The following BLVRA variants were observed in gnomAD, a reference collection of about 807,000 sequenced individuals.
The protein encoded by BLVRA is biliverdin reductase A.
BLVRA carries 22 observed loss-of-function variants against 32.8 expected under a neutral mutation model. That is an observed-to-expected ratio of 0.67 (90% CI 0.48 to 0.96). The LOEUF (loss-of-function observed/expected upper bound fraction) is 0.96, where lower values mean the gene tolerates loss of function less well. BLVRA is among the 40% of genes least tolerant of loss of function. BLVRA has a pLI of 0.00. For synonymous variants in BLVRA, 119 were observed against 141.3 expected (o/e 0.84, Z 1.12); for missense variants, 323 against 358.1 (o/e 0.90, Z 0.79).
chr7:43,785,203 A>G (rs1364640888), intron 2 of BLVRA, among the ~76,000 whole-genome samples: 10 of 152,070 alleles, frequency 6.6e-5, no homozygotes, highest in Admixed American at 5.9e-4. Context: ...TAACCTAATA[A>G]GGGGATTGCT....
chr7:43,759,019 T>C (rs1339763908), intron 1 of BLVRA, among the ~76,000 whole-genome samples: 1 of 152,242 alleles, frequency 6.6e-6, no homozygotes, highest in African/African-American at 2.4e-5. Context: ...CGGTTAAGAC[T>C]GCCCGTAGTT....
chr7:43,790,496 G>A (rs908640407), intron 3 of BLVRA, among the ~76,000 whole-genome samples: 1 of 151,756 alleles, frequency 6.6e-6, no homozygotes, highest in Admixed American at 6.6e-5. Context: ...CATACTACTG[G>A]GCTTCGTTAG....
At chr7:43,793,188 G>A (rs967578634) in intron 5 of BLVRA, among the ~76,000 whole-genome samples, 2 of 152,118 alleles carry the variant, frequency 1.3e-5, no homozygotes, top group Non-Finnish European at 2.9e-5. Flanking sequence ...TGCATAGTTT[G>A]TAGTTTTTGT....
chr7:43,785,670 C>G (rs2095776580), intron 2 of BLVRA, among the ~76,000 whole-genome samples: 2 of 152,206 alleles, frequency 1.3e-5, no homozygotes, highest in Admixed American at 1.3e-4. Flanking sequence ...CTGACAGAGG[C>G]TGAGATCCTT....
chr7:43,786,567 T>C (rs374803271), intron 2 of BLVRA, among the ~76,000 whole-genome samples: 2 of 152,170 alleles, frequency 1.3e-5, no homozygotes, highest in African/African-American at 2.4e-5. Context: ...CACCCAACAA[T>C]AGCAGAATAC....
intron 1 of BLVRA, 37 bp from the exon 2 acceptor site, chr7:43,771,101 C>G: frequency 1.2e-6 from 2 of 1,604,472 alleles, no homozygotes; most frequent in South Asian, 2.2e-5. Flanking sequence ...TGGGCAGGTG[C>G]CACCAGGGAC....
chr7:43,774,824 G>A (rs906336075), intron 2 of BLVRA, among the ~76,000 whole-genome samples: 6 of 152,136 alleles, frequency 3.9e-5, no homozygotes, highest in African/African-American at 1.4e-4. Context: ...TTGAGCAGTG[G>A]TTTGTAGTTC....
chr7:43,771,079 T>G, intron 1 of BLVRA, 59 bp from the exon 2 acceptor site: 12 of 1,480,386 alleles, frequency 8.1e-6, no homozygotes, highest in Non-Finnish European at 1.1e-5. Flanking sequence ...AGGGGAATGT[T>G]TGCCTGGAGT....
chr7:43,800,596 G>A, intron 6 of BLVRA, 24 bp downstream of exon 6: 2 of 1,595,664 alleles, frequency 1.3e-6, no homozygotes, highest in African/African-American at 2.7e-5. Context: ...GGGATCACAG[G>A]TCACATGTGA....
intron 2 of BLVRA, among the ~76,000 whole-genome samples, chr7:43,782,896 C>T (rs765803569): frequency 2.0e-5 from 3 of 151,748 alleles, no homozygotes; most frequent in Admixed American, 1.3e-4. Flanking sequence ...GGATGACCCA[C>T]GGTGAAGCAG....
At chr7:43,800,379 T>G (rs967852790) in intron 5 of BLVRA, 86 bp from the exon 6 acceptor site, 5 of 1,281,580 alleles carry the variant, frequency 3.9e-6, no homozygotes, top group Non-Finnish European at 5.7e-6. Flanking sequence ...TCATGTCTTG[T>G]GTTAGGGGAT....
intron 3 of BLVRA, among the ~76,000 whole-genome samples, chr7:43,788,825 G>C (rs951198651): frequency 1.3e-4 from 19 of 147,120 alleles, no homozygotes; most frequent in Non-Finnish European, 4.5e-5. Context: ...TTTTTGTAGA[G>C]ACAGGGTCTC....
At chr7:43,771,541 A>G (rs1380814061) in intron 2 of BLVRA, among the ~76,000 whole-genome samples, 1 of 152,170 alleles carries the variant, frequency 6.6e-6, no homozygotes, top group Non-Finnish European at 1.5e-5. Context: ...TGATGCATGG[A>G]GATGTCTAGC....
At chr7:43,799,232 G>C (rs905264213) in intron 5 of BLVRA, among the ~76,000 whole-genome samples, 2 of 152,190 alleles carry the variant, frequency 1.3e-5, no homozygotes, top group Non-Finnish European at 2.9e-5. Context: ...GTCAAGCCCA[G>C]AGCATTTGGC....
intron 2 of BLVRA, among the ~76,000 whole-genome samples, chr7:43,780,835 T>A (rs1308867122): frequency 6.6e-6 from 1 of 152,264 alleles, no homozygotes; most frequent in East Asian, 1.9e-4. Context: ...TTTGTTTTTG[T>A]GCAAATACCT....
At position 43,800,494 on chromosome 7, in the gene BLVRA, C is replaced by A; in HGVS notation, c.382C>A (p.Leu128Ile). The change falls in exon 6 of 8, where the codon CTC (leucine) becomes ATC (isoleucine). Residue 128 changes from leucine (L) to isoleucine (I), a missense_variant. Leu to Ile is a conservative substitution (Grantham distance 5). Transcript: ENST00000265523. Reference sequence around the variant, plus strand: ...AGTCTTGCACGAGGAGCATGTTGAACTCTTGATGGAGGAATTCGCTTTCCT... The same window carrying A: ...AGTCTTGCACGAGGAGCATGTTGAAATCTTGATGGAGGAATTCGCTTTCCT... Reference protein sequence around the residue: ...GKVLHEEHVELLMEEFAFLKK... With the variant: ...GKVLHEEHVEILMEEFAFLKK... 1 of 1,614,118 alleles carries A rather than the reference C, an allele frequency of 6.2e-7. No homozygotes were observed. The highest frequency in any genetic ancestry group is 8.5e-7 in the Non-Finnish European group (1 of 1,179,972).
At chr7:43,791,601 C>T (rs954589786) in intron 4 of BLVRA, 2 of 509,528 alleles carry the variant, frequency 3.9e-6, no homozygotes, top group Admixed American at 3.2e-5. Flanking sequence ...TAATTTGAAA[C>T]ATTAGAAACA....
At chr7:43,803,876 G>A (rs1382179956) in intron 7 of BLVRA, 29 bp downstream of exon 7, 1 of 1,611,896 alleles carries the variant, frequency 6.2e-7, no homozygotes, top group Non-Finnish European at 8.5e-7. Context: ...TGAGGAGGAG[G>A]AAATTTAAGG....
intron 2 of BLVRA, among the ~76,000 whole-genome samples, chr7:43,776,120 GT>G (rs1183182428): frequency 1.3e-5 from 2 of 152,052 alleles, no homozygotes; most frequent in African/African-American, 2.4e-5. Flanking sequence ...TTTTTGAAGG[GT>G]TTTTTGTGTC....
Sources: gnomAD v4.1 joint callset for allele counts (sites outside exome capture counted in the v4.1 genomes callset) on GRCh38, gnomAD v4.1.1 for gene constraint, MANE v1.5 for transcripts, NCBI Gene and HGNC (gene_info 2026-07-23, HGNC 2026-07-21) for gene names.